The following NUP210L variants were observed in gnomAD, a reference collection of about 807,000 sequenced individuals.
NUP210L encodes nucleoporin 210 like, also known as nuclear pore membrane glycoprotein 210-like.
In NUP210L, 74 loss-of-function variants were observed where a neutral mutation model predicts 208.5. The ratio of observed to expected loss-of-function variants is 0.35; its 90% CI spans 0.29 to 0.43. NUP210L has a LOEUF of 0.43. Among genes scored for constraint, NUP210L ranks in the 20% least tolerant of loss-of-function variants. NUP210L has a pLI of 1.00. For synonymous variants in NUP210L, 780 were observed against 816.9 expected (o/e 0.95, Z 0.77); for missense variants, 1,843 against 2,289.4 (o/e 0.81, Z 3.98).
chr1:154,006,625 C>T (rs932738695), intron 35 of NUP210L, among the ~76,000 whole-genome samples: 1 of 151,494 alleles, frequency 6.6e-6, no homozygotes, highest in Non-Finnish European at 1.5e-5. Flanking sequence ...TCCCGAGTAG[C>T]TGGGACTACA....
intron 25 of NUP210L, among the ~76,000 whole-genome samples, chr1:154,052,027 A>G (rs1339357690): frequency 6.6e-6 from 1 of 152,266 alleles, no homozygotes; most frequent in Non-Finnish European, 1.5e-5. Context: ...GGGGAGAAAC[A>G]GGGACTACGG....
rs1482860891 is a variant in NUP210L, at chr1:154,117,859, AG to A, written c.1485del (p.Phe496LeufsTer12). ...GTTTCATTAGAAGAAGTCCAGGTAA[AG>A]TTGCCACTGCCACCCTCTACCTGTG... is the stretch of plus-strand genomic sequence containing the variant. On this transcript the variant is annotated frameshift_variant, in exon 12 of 40. Coordinates refer to ENST00000368559, the Ensembl canonical transcript of NUP210L. LOFTEE classifies it high-confidence loss of function. The A allele has an allele frequency of 6.2e-7, 1 of 1,612,208 alleles. No homozygotes were observed. The highest frequency in any genetic ancestry group is 1.1e-5 in the South Asian group (1 of 90,954).
chr1:154,019,147 G>C, intron 32 of NUP210L, 78 bp from the exon 33 acceptor site: 3 of 1,464,662 alleles, frequency 2.0e-6, no homozygotes, highest in Non-Finnish European at 2.8e-6. Flanking sequence ...CTCCAAATCA[G>C]TAAATTTTTC....
rs988028532 is a variant in NUP210L, at chr1:154,061,168, A to G, written c.2644-122T>C. 2.9e-5 allele frequency: 18 copies of G among 619,800 alleles called. No homozygotes were observed. The African/African-American group carries it at 3.3e-4, about 11-fold the overall frequency. The allele number at this position is 619,800 out of a possible 1,614,324, so 38.4% of individuals were successfully genotyped here. ...TAAGGCAGGCAGATCACCTGAGGCC[A>G]GGAGTTTGAGACCAGCTTGGCTAAC... On this transcript the variant is annotated intron_variant, in intron 18 of 39. Transcript: ENST00000368559.
chr1:154,150,467 C>A (rs573216767), intron 2 of NUP210L, among the ~76,000 whole-genome samples: 8 of 152,194 alleles, frequency 5.3e-5, no homozygotes, highest in African/African-American at 1.9e-4. Flanking sequence ...GTGGCTCACG[C>A]CTGTAATCCC....
Position 154,100,202 on chromosome 1 carries a change from C to A in NUP210L, c.1820-59G>T, listed in dbSNP as rs1036220753. 38 of 1,551,798 alleles carry A rather than the reference C, an allele frequency of 2.4e-5. No homozygotes were observed. In the South Asian group the frequency reaches 3.7e-4, roughly 15 times the overall value. ...TGGTGGCTCAGGCTTGTAATCCCAGCACTTTGGGAGGCCAAGGCAGGAAGA... is the reference window on the plus strand; with the variant it reads ...TGGTGGCTCAGGCTTGTAATCCCAGAACTTTGGGAGGCCAAGGCAGGAAGA... On this transcript the variant is annotated intron_variant, in intron 13 of 39. Coordinates refer to ENST00000368559, the Ensembl canonical transcript of NUP210L.
intron 37 of NUP210L, among the ~76,000 whole-genome samples, chr1:153,996,169 G>A (rs1571144735): frequency 6.6e-6 from 1 of 152,036 alleles, no homozygotes; most frequent in Admixed American, 6.6e-5. Context: ...GCATGCACCT[G>A]TAGTCCCAGC....
At chr1:154,104,504 T>TG (rs777739006) in intron 12 of NUP210L, 24 of 345,840 alleles carry the variant, frequency 6.9e-5, no homozygotes, top group South Asian at 6.7e-4. Flanking sequence ...AGCAGCCACA[T>TG]GGGGCAGAGA....
intron 1 of NUP210L, 103 bp from the exon 2 acceptor site, chr1:154,152,975 A>G: frequency 1.0e-6 from 1 of 962,420 alleles, no homozygotes; most frequent in Non-Finnish European, 1.6e-6. Flanking sequence ...ACTACCAGGT[A>G]TATGTAAATG....
intron 25 of NUP210L, among the ~76,000 whole-genome samples, chr1:154,048,846 G>A (rs1445243834): frequency 2.6e-5 from 4 of 152,146 alleles, no homozygotes; most frequent in Non-Finnish European, 5.9e-5. Flanking sequence ...ATTACAGTGG[G>A]GAAATTCAAA....
intron 12 of NUP210L, among the ~76,000 whole-genome samples, chr1:154,112,661 C>G (rs1657099991): frequency 6.6e-6 from 1 of 151,576 alleles, no homozygotes. Flanking sequence ...TTCAAGTCCA[C>G]CCTGGGCAAT....
At chr1:154,044,937 C>T (rs1296167816) in intron 27 of NUP210L, among the ~76,000 whole-genome samples, 1 of 151,928 alleles carries the variant, frequency 6.6e-6, no homozygotes, top group Non-Finnish European at 1.5e-5. Context: ...TGCATCAAAA[C>T]ATCAAAGCTT....
chr1:154,059,841 A>C (rs567534749), intron 20 of NUP210L, among the ~76,000 whole-genome samples: 202 of 152,340 alleles, frequency 1.3e-3, no homozygotes, highest in African/African-American at 4.6e-3. Context: ...AATAGATGGT[A>C]TTATTTTTAT....
chr1:154,124,366 T>C (rs950175340), intron 10 of NUP210L, among the ~76,000 whole-genome samples: 5 of 152,018 alleles, frequency 3.3e-5, no homozygotes, highest in African/African-American at 9.7e-5. Context: ...GAAAGGAGCA[T>C]TGGAGAAAAA....
exon 17 of NUP210L, chr1:154,070,285 T>C: frequency 6.3e-7 from 1 of 1,599,960 alleles, no homozygotes; most frequent in Non-Finnish European, 8.5e-7. Flanking sequence ...TGTAACCGGG[T>C]CTGCCCACTG....
chr1:154,000,763 GC>G, intron 37 of NUP210L, 92 bp downstream of exon 37: 1 of 1,089,520 alleles, frequency 9.2e-7, no homozygotes, highest in Non-Finnish European at 1.4e-6. Context: ...TAAGTGAAAT[GC>G]GGAAAGCAAA....
At chr1:153,994,753 C>T (rs1343007564) in intron 38 of NUP210L, among the ~76,000 whole-genome samples, 1 of 151,798 alleles carries the variant, frequency 6.6e-6, no homozygotes, top group Non-Finnish European at 1.5e-5. Flanking sequence ...GTGGCTCACG[C>T]CTGTAATCCC....
At chr1:154,126,535 C>T (rs1657990044) in intron 9 of NUP210L, 72 bp from the exon 10 acceptor site, 4 of 1,351,138 alleles carry the variant, frequency 3.0e-6, no homozygotes, top group Admixed American at 2.3e-5. Context: ...AATCCCAAAG[C>T]ATCTATAAAA....
Position 154,023,280 on chromosome 1 carries a change from G to A in NUP210L, c.4140C>T (p.Tyr1380=), listed in dbSNP as rs773230192. Residue 1380 remains tyrosine, a synonymous_variant, in exon 31 of 40, where the codon TAC becomes TAT. Coordinates refer to ENST00000368559, the Ensembl canonical transcript of NUP210L. ...GCTTGGGTTGGCTGCTCACTCGCAG[G>A]TATGTCACCGGTGCTACCTGTGGGA... is the stretch of plus-strand genomic sequence containing the variant. The A allele has an allele frequency of 5.6e-6, 9 of 1,609,920 alleles. No homozygotes were observed. The East Asian group carries it at 1.6e-4, about 28-fold the overall frequency.
Sources: gnomAD v4.1 joint callset for allele counts (sites outside exome capture counted in the v4.1 genomes callset) on GRCh38, gnomAD v4.1.1 for gene constraint, MANE v1.5 for transcripts, NCBI Gene and HGNC (gene_info 2026-07-23, HGNC 2026-07-21) for gene names.